The following EXPH5 variants were observed in gnomAD, a reference collection of about 807,000 sequenced individuals.
EXPH5 encodes exophilin-5.
A neutral mutation model predicts 41.1 loss-of-function variants in EXPH5; 42 were observed. That is an observed-to-expected ratio of 1.02 (90% confidence interval 0.80 to 1.32). The LOEUF (loss-of-function observed/expected upper bound fraction) is 1.32. EXPH5 is among the 40% of genes most tolerant of loss of function. EXPH5 has a pLI of 0.00. For synonymous variants in EXPH5, 798 were observed against 833.5 expected, an observed-to-expected ratio of 0.96 and a Z score of 0.73; for missense variants, 2,298 against 2,314.5, an observed-to-expected ratio of 0.99 and a Z score of 0.15.
chr11:108,538,127 C>T (rs925601674), intron 3 of EXPH5: 1 of 985,330 alleles, frequency 1.0e-6, no homozygotes, highest in Admixed American at 6.1e-5. Context: ...TCTGTTAAAT[C>T]CAGCAGCCTC....
chr11:108,576,020 C>T (rs1330100124), intron 1 of EXPH5, among the ~76,000 whole-genome samples: 3 of 151,940 alleles, frequency 2.0e-5, no homozygotes, highest in African/African-American at 4.8e-5. Context: ...TTTGACAATT[C>T]CTCAAAAAGT....
intron 1 of EXPH5, among the ~76,000 whole-genome samples, chr11:108,547,382 T>C (rs1197666596): frequency 6.6e-6 from 1 of 152,034 alleles, no homozygotes; most frequent in Non-Finnish European, 1.5e-5. Flanking sequence ...TTTGTAGAGA[T>C]GGAGATCTCT....
chr11:108,555,624 G>A (rs969596393), intron 1 of EXPH5, among the ~76,000 whole-genome samples: 1 of 152,152 alleles, frequency 6.6e-6, no homozygotes, highest in African/African-American at 2.4e-5. Flanking sequence ...ATTCTGAATT[G>A]TAATCCCCAC....
chr11:108,528,822 C>A (rs2640771), intron 3 of EXPH5, among the ~76,000 whole-genome samples: 33,448 of 151,042 alleles, frequency 0.22, 5,113 homozygotes, highest in East Asian at 0.67. Flanking sequence ...CCTGCCTCAG[C>A]CTCCCGAATG....
intron 1 of EXPH5, among the ~76,000 whole-genome samples, chr11:108,588,540 T>C (rs1157116872): frequency 6.6e-6 from 1 of 152,178 alleles, no homozygotes; most frequent in Non-Finnish European, 1.5e-5. Context: ...CACTTACCCT[T>C]TCTAAGCTTC....
intron 3 of EXPH5, among the ~76,000 whole-genome samples, chr11:108,531,613 C>A (rs925809372): frequency 4.6e-5 from 7 of 152,076 alleles, no homozygotes; most frequent in Non-Finnish European, 8.8e-5. Flanking sequence ...ATTTCCATAC[C>A]TTTATAGATA....
chr11:108,592,371 CT>C (rs2094129478), intron 1 of EXPH5, among the ~76,000 whole-genome samples: 1 of 152,070 alleles, frequency 6.6e-6, no homozygotes, highest in Non-Finnish European at 1.5e-5. Flanking sequence ...TGGAGGGTTT[CT>C]TTTGTCGGCG....
In EXPH5 at chr11:108,508,492, GC is replaced by G. The variant is rs1309007538; in HGVS notation, c.*1044del. On this transcript the variant is annotated 3_prime_UTR_variant, in exon 6 of 6. Coordinates refer to ENST00000265843, the MANE Select transcript of EXPH5 (RefSeq NM_015065.3). ...ACTGCACTCCAGCCTGGGTGACAGA[GC>G]AAAACTCCGTCTCCAAAAAACAAAA... 6.6e-6 allele frequency: 1 copy of G among 152,454 alleles called. No homozygotes were observed. Among genetic ancestry groups the G allele is most frequent in the Non-Finnish European group, 1.5e-5 (1 of 68,316 alleles). 9.4% of individuals were successfully genotyped at this position (152,454 alleles called of 1,614,324 possible).
upstream of EXPH5, among the ~76,000 whole-genome samples, chr11:108,595,757 G>A (rs891571658): frequency 6.6e-6 from 1 of 152,188 alleles, no homozygotes; most frequent in Non-Finnish European, 1.5e-5. Flanking sequence ...GTGAGAAAGA[G>A]GTTTAGAAAC....
rs780644031 is a variant in EXPH5, at chr11:108,514,321, C to T, written c.1186G>A (p.Glu396Lys). Residue 396 changes from glutamate to lysine, a missense_variant, in exon 6 of 6, where the codon GAA becomes AAA. Glu to Lys is a moderately conservative substitution (Grantham distance 56). Coordinates refer to ENST00000265843, the MANE Select transcript of EXPH5 (RefSeq NM_015065.3). ...EEFLRAPSPM[E>K]IDPADKYVYP... The stretch of plus-strand genomic sequence containing the variant: ...ACATACTTGTCAGCGGGATCAATTT[C>T]CATTGGTGATGGTGCCCTCAGGAAC... 2 of 1,613,214 alleles carry T rather than the reference C, an allele frequency of 1.2e-6. No individual in the cohort carries two copies. Among genetic ancestry groups the T allele is most frequent in the South Asian group, 1.1e-5 (1 of 90,844 alleles).
chr11:108,538,638 C>T (rs999114506), intron 3 of EXPH5, among the ~76,000 whole-genome samples: 8 of 152,046 alleles, frequency 5.3e-5, no homozygotes, highest in Admixed American at 2.6e-4. Context: ...ATGACCAGGA[C>T]GTGACCAGGA....
Position 108,510,997 on chromosome 11 carries a change from CTGAG to C in EXPH5, c.4506_4509del (p.His1502GlnfsTer28), listed in dbSNP as rs751045536. On this transcript the variant is annotated frameshift_variant, in exon 6 of 6. Transcript: ENST00000265843. LOFTEE classifies it low-confidence loss of function (END_TRUNC). ...GGAGTAAGGGCAAAGACTTGACTCT[CTGAG>C]TGAGAAAGTGTTTTATTAGTCATTT... 6.2e-7 allele frequency: 1 copy of C among 1,614,202 alleles called. No homozygotes were observed. The highest frequency in any genetic ancestry group is 8.5e-7 in the Non-Finnish European group (1 of 1,180,022).
At chr11:108,534,817 C>A (rs556037062) in intron 3 of EXPH5, among the ~76,000 whole-genome samples, 1 of 152,310 alleles carries the variant, frequency 6.6e-6, no homozygotes, top group South Asian at 2.1e-4. Context: ...CTCAAGACCC[C>A]TTCTTGTCAT....
chr11:108,541,708 C>T lies in EXPH5; in HGVS notation c.224G>A (p.Ser75Asn). The change falls in exon 2 of 6, where the codon AGC becomes AAC. Residue 75 changes from serine (S) to asparagine (N), a missense_variant. Ser to Asn is a conservative substitution (Grantham distance 46). Transcript: ENST00000265843. ...TGTAAGTGGTTGTTTTAACATTTGG[C>T]TAACATCTGTTTCATTGCAAAACTT... ...RKKFCNETDVSQMLKQPLTYR... is the reference protein window; with the variant it reads ...RKKFCNETDVNQMLKQPLTYR... 1 of 1,613,084 alleles carries T rather than the reference C, an allele frequency of 6.2e-7. No homozygotes were observed. Among genetic ancestry groups the T allele is most frequent in the Non-Finnish European group, 8.5e-7 (1 of 1,179,424 alleles).
At position 108,513,742 on chromosome 11, in the gene EXPH5, T is replaced by G. The variant is rs557211003; in HGVS notation, c.1765A>C (p.Ser589Arg). The part of the protein sequence containing the change: ...TPNVCSMTGS[S>R]YHVKSSELVS... ...AACTCACTAGATTTGACGTGATAGC[T>G]TGAACCAGTCATGGAGCAAACATTT... Residue 589 changes from serine to arginine, a missense_variant, in exon 6 of 6, where the codon AGC becomes CGC. Transcript: ENST00000265843. 8.9e-5 allele frequency: 143 copies of G among 1,611,412 alleles called. 2 individuals carry two copies. In the South Asian group the frequency reaches 1.5e-3, roughly 17 times the overall value.
In EXPH5 at chr11:108,513,244, C is replaced by T. The variant is rs771578098; in HGVS notation, c.2263G>A (p.Gly755Arg). The T allele has an allele frequency of 5.2e-5, 84 of 1,612,646 alleles. No homozygotes were observed. Among genetic ancestry groups the T allele is most frequent in the Non-Finnish European group, 6.9e-5 (81 of 1,179,608 alleles). Residue 755 changes from glycine (G) to arginine (R), a missense_variant, in exon 6 of 6, where the codon GGG (glycine) becomes AGG (arginine). Coordinates refer to ENST00000265843, the MANE Select transcript of EXPH5 (RefSeq NM_015065.3). ...PLSQDSAKSNGFGFNASTIIS... is the reference protein window; with the variant it reads ...PLSQDSAKSNRFGFNASTIIS... ...ATGGTAGATGCATTAAAACCAAACC[C>T]GTTGCTCTTGGCTGAGTCCTGGGAT...
In EXPH5 at chr11:108,520,080, A is replaced by G. The variant is rs573226755; in HGVS notation, c.493-1707T>C. Among the ~76,000 whole-genome samples, 7 of 151,918 alleles carry G rather than the reference A, an allele frequency of 4.6e-5. No individual in the cohort carries two copies. The South Asian group carries it at 1.5e-3, about 32-fold the overall frequency. On this transcript the variant is annotated intron_variant, in intron 4 of 5. Transcript: ENST00000265843. ...CCACAGACCGGTACTGGTCTGTGGT[A>G]TGTTAGAAATCAGGCTGCACAGTGT...
At chr11:108,565,732 T>A (rs1449305711) in intron 1 of EXPH5, among the ~76,000 whole-genome samples, 1 of 152,208 alleles carries the variant, frequency 6.6e-6, no homozygotes, top group Non-Finnish European at 1.5e-5. Flanking sequence ...ATGTGTCTCA[T>A]CTTCCTCATC....
intron 1 of EXPH5, among the ~76,000 whole-genome samples, chr11:108,567,528 C>T: frequency 6.6e-6 from 1 of 152,174 alleles, no homozygotes; most frequent in Non-Finnish European, 1.5e-5. Flanking sequence ...TCATGCGTAG[C>T]CTTATATTCT....
Sources: gnomAD v4.1 joint callset for allele counts (sites outside exome capture counted in the v4.1 genomes callset) on GRCh38, gnomAD v4.1.1 for gene constraint, MANE v1.5 for transcripts, NCBI Gene and HGNC (gene_info 2026-07-23, HGNC 2026-07-21) for gene names.